Variants in CADPS observed in about 807,000 individuals in gnomAD.
CADPS encodes the protein calcium-dependent secretion activator 1.
In CADPS, 57 loss-of-function variants were observed where a neutral mutation model predicts 167.3. The ratio of observed to expected loss-of-function variants is 0.34; its 90% CI spans 0.28 to 0.42. The LOEUF (loss-of-function observed/expected upper bound fraction) is 0.42. CADPS is among the 20% of genes least tolerant of loss of function. The probability of loss-of-function intolerance (pLI) is 1.00; values close to 1 mark genes in which losing one functional copy is unlikely to be tolerated. For synonymous variants in CADPS, 676 were observed against 635.3 expected (o/e 1.06, Z -0.96); for missense variants, 1,414 against 1,738.1 (o/e 0.81, Z 3.32).
chr3:62,733,417 TAGA>T (rs10548963), intron 3 of CADPS, among the ~76,000 whole-genome samples: 35,316 of 152,062 alleles, frequency 0.23, 4,293 homozygotes, highest in African/African-American at 0.32. Flanking sequence ...TCTGCAAACC[TAGA>T]AGGAGTCTAA....
Position 62,662,377 on chromosome 3 carries a change from C to T in CADPS, c.906G>A (p.Glu302=). ...GCTCTCGTCTGATCTGGGCTGCTTG[C>T]TCATCTGGATTGTCCAGCTGCACAA... ...YNACQLDNPD[E]QAAQIRRELD... Residue 302 remains glutamate (E), a synonymous_variant, in exon 4 of 30, where the codon GAG becomes GAA. Coordinates refer to ENST00000383710, the MANE Select transcript of CADPS (RefSeq NM_003716.4). 11 of 1,613,982 alleles carry T rather than the reference C, an allele frequency of 6.8e-6. No homozygotes were observed. Among genetic ancestry groups the T allele is most frequent in the Non-Finnish European group, 9.3e-6 (11 of 1,179,906 alleles).
chr3:62,690,911 A>C (rs183379204), intron 3 of CADPS, among the ~76,000 whole-genome samples: 2 of 152,162 alleles, frequency 1.3e-5, no homozygotes, highest in Non-Finnish European at 2.9e-5. Context: ...TAATTGCTAA[A>C]ACTTAGAAGC....
At chr3:62,531,115 T>A (rs1295507603) in intron 13 of CADPS, among the ~76,000 whole-genome samples, 1 of 152,312 alleles carries the variant, frequency 6.6e-6, no homozygotes, top group South Asian at 2.1e-4. Context: ...TAATTCATGA[T>A]GATGTTTACC....
At chr3:62,790,533 A>G (rs1386321242) in intron 1 of CADPS, among the ~76,000 whole-genome samples, 1 of 152,160 alleles carries the variant, frequency 6.6e-6, no homozygotes, top group Non-Finnish European at 1.5e-5. Flanking sequence ...TTTAGAGGCA[A>G]ATAGTACAGT....
chr3:62,743,198 A>C (rs891261506), intron 3 of CADPS, among the ~76,000 whole-genome samples: 1 of 152,138 alleles, frequency 6.6e-6, no homozygotes, highest in African/African-American at 2.4e-5. Flanking sequence ...CCATGGAATA[A>C]TTTTTTGAAA....
At chr3:62,651,657 T>C (rs1171904784) in intron 4 of CADPS, among the ~76,000 whole-genome samples, 1 of 152,174 alleles carries the variant, frequency 6.6e-6, no homozygotes, top group Non-Finnish European at 1.5e-5. Context: ...CTTTAGAAGA[T>C]AGAGCAATTT....
Position 62,630,179 on chromosome 3 carries a change from T to C in CADPS, c.1325+15543A>G, listed in dbSNP as rs557125161. The stretch of plus-strand genomic sequence containing the variant: ...TCTAATACATATTTTTTTGTAAGCA[T>C]GTATTGAATGAATAAGGAAACAGGT... On this transcript the variant is annotated intron_variant, in intron 6 of 29. Transcript: ENST00000383710. Among the ~76,000 whole-genome samples the C allele has an allele frequency of 9.2e-5, 14 of 152,286 alleles. 1 individual carries two copies. The South Asian group carries it at 1.4e-3, about 16-fold the overall frequency.
chr3:62,590,541 CTTTA>C (rs1395583837), intron 7 of CADPS, among the ~76,000 whole-genome samples: 1 of 152,082 alleles, frequency 6.6e-6, no homozygotes, highest in African/African-American at 2.4e-5. Context: ...TTGCTGTTAG[CTTTA>C]TTTACTTTTC....
intron 26 of CADPS, among the ~76,000 whole-genome samples, chr3:62,450,082 G>A (rs2057813917): frequency 6.6e-6 from 1 of 152,184 alleles, no homozygotes; most frequent in African/African-American, 2.4e-5. Flanking sequence ...GCCTGGTGGT[G>A]ATAGTCAGTT....
At chr3:62,448,334 A>G (rs1347096177) in intron 26 of CADPS, among the ~76,000 whole-genome samples, 2 of 152,318 alleles carry the variant, frequency 1.3e-5, no homozygotes, top group East Asian at 3.9e-4. Context: ...TACTACTAAC[A>G]TGCAGTTACA....
chr3:62,495,575 G>A (rs1452076), intron 18 of CADPS, among the ~76,000 whole-genome samples: 15,846 of 152,180 alleles, frequency 0.1, 1,209 homozygotes, highest in African/African-American at 0.2. Flanking sequence ...AGAGCTTTTC[G>A]TTATTCAAAG....
intron 4 of CADPS, among the ~76,000 whole-genome samples, chr3:62,653,519 T>G (rs2070765645): frequency 1.3e-5 from 2 of 152,246 alleles, no homozygotes; most frequent in African/African-American, 4.8e-5. Flanking sequence ...TTGTTATAAT[T>G]ATAATTAATC....
intron 17 of CADPS, among the ~76,000 whole-genome samples, chr3:62,502,333 G>C (rs2151342248): frequency 6.6e-6 from 1 of 150,638 alleles, no homozygotes; most frequent in South Asian, 2.1e-4. Flanking sequence ...ACTTAACGCT[G>C]TCTTCAGATG....
intron 23 of CADPS, chr3:62,477,951 A>T (rs1483817410): frequency 1.4e-5 from 4 of 292,848 alleles, no homozygotes; most frequent in Non-Finnish European, 2.6e-5. Context: ...AATACTTACT[A>T]GTTAAGTATT....
chr3:62,774,193 GAGA>G (rs2089688435), intron 1 of CADPS, among the ~76,000 whole-genome samples: 1 of 152,000 alleles, frequency 6.6e-6, no homozygotes, highest in Non-Finnish European at 1.5e-5. Context: ...AGAAGAGAAG[GAGA>G]AGGAGGTCTA....
rs1352234962 is a variant in CADPS at position 62,420,967 on chromosome 3, A to G, written c.3777+17137T>C. On this transcript the variant is annotated intron_variant, in intron 28 of 29. Transcript: ENST00000383710. The surrounding 1 kb of genome is among the most constrained non-coding windows in gnomAD (Gnocchi z 4.1). ...CTTACCCTGGGGAGCCAGCCATCTCATTTCTGTAAAAGGCACAAACCTCAG... is the reference window on the plus strand; with the variant it reads ...CTTACCCTGGGGAGCCAGCCATCTCGTTTCTGTAAAAGGCACAAACCTCAG... Among the ~76,000 whole-genome samples the G allele has an allele frequency of 4.0e-5, 6 of 151,454 alleles. No homozygotes were observed. Among genetic ancestry groups the G allele is most frequent in the African/African-American group, 1.5e-4 (6 of 41,206 alleles).
At chr3:62,785,830 G>C (rs2092362595) in intron 1 of CADPS, among the ~76,000 whole-genome samples, 1 of 151,348 alleles carries the variant, frequency 6.6e-6, no homozygotes, top group Non-Finnish European at 1.5e-5. Flanking sequence ...TGAGATGTTA[G>C]CTAATGATAG....
intron 17 of CADPS, chr3:62,500,367 G>A (rs2065546587): frequency 6.6e-6 from 1 of 152,138 alleles, no homozygotes. Flanking sequence ...TGCTGGCCAG[G>A]ATGGTCTCAA....
chr3:62,752,433 TACTAAA>T (rs2082909712), intron 3 of CADPS, among the ~76,000 whole-genome samples: 1 of 152,230 alleles, frequency 6.6e-6, no homozygotes, highest in Admixed American at 6.5e-5. Flanking sequence ...AACAGACTCT[TACTAAA>T]ACATCCAGAA....
Sources: allele counts gnomAD v4.1 joint callset (sites outside exome capture counted in the v4.1 genomes callset), GRCh38; gene constraint gnomAD v4.1.1; non-coding constraint Gnocchi (gnomAD v3.1); transcripts MANE v1.5; gene names NCBI Gene and HGNC (gene_info 2026-07-23, HGNC 2026-07-21).